Variants in KAZALD1 observed in about 807,000 individuals in gnomAD.
KAZALD1 encodes the protein kazal-type serine protease inhibitor domain-containing protein 1.
Under a neutral mutation model 27.7 loss-of-function variants are expected in KAZALD1, and 31 were observed. That is an observed-to-expected ratio of 1.12 (90% CI 0.84 to 1.51). The LOEUF is 1.51. Ranked by LOEUF, KAZALD1 falls within the 40% of genes most tolerant of loss-of-function variation. The pLI, the probability that KAZALD1 is intolerant of heterozygous loss-of-function variation, is 0.00. For missense variants in KAZALD1, 444 were observed against 408.9 expected, an observed-to-expected ratio of 1.09 and a Z score of -0.74; for synonymous variants, 179 against 182.0, an observed-to-expected ratio of 0.98 and a Z score of 0.13.
In KAZALD1 at chr10:101,067,048, T is replaced by C. The variant is rs1011309187; in HGVS notation, c.*2128T>C. Reference sequence around the variant, plus strand: ...GACGGGAAAGGTTTAATAAACGTGCTGAGATGCCGAGGATTATTCACCGCA... The same window carrying C: ...GACGGGAAAGGTTTAATAAACGTGCCGAGATGCCGAGGATTATTCACCGCA... On this transcript the variant is annotated 3_prime_UTR_variant, in exon 5 of 5. Transcript: ENST00000370200. The C allele has an allele frequency of 2.9e-6, 1 of 340,750 alleles. No individual in the cohort carries two copies. Among genetic ancestry groups the C allele is most frequent in the Non-Finnish European group, 5.8e-6 (1 of 171,198 alleles). The allele number at this position is 340,750 out of a possible 1,614,324, so 21.1% of individuals were successfully genotyped here. A position where few individuals can be genotyped will look rare whatever the true frequency, so the allele number is the denominator to read the frequency against.
chr10:101,065,957 G>A lies in KAZALD1; in HGVS notation c.*1037G>A, dbSNP rs186377951. Among the ~76,000 whole-genome samples the A allele has an allele frequency of 6.6e-6, 1 of 152,302 alleles. No homozygotes were observed. The highest frequency in any genetic ancestry group is 1.5e-5 in the Non-Finnish European group (1 of 68,034). ...GGGTGGAAGTTTGGTCACCTGTGTG[G>A]TCCATACCCTTCCCCAGCTCCCATA... On this transcript the variant is annotated 3_prime_UTR_variant, in exon 5 of 5. Transcript: ENST00000370200.
Position 101,062,658 on chromosome 10 carries a change from G to A in KAZALD1, c.66G>A (p.Val22=). ...ALPVLLLLLV[V]LTPPPTGARP... Reference sequence around the variant, plus strand: ...CTGTGCTCCTGCTACTGCTGGTGGTGCTGACGCCGCCCCCGACCGGCGCAA... The same window carrying A: ...CTGTGCTCCTGCTACTGCTGGTGGTACTGACGCCGCCCCCGACCGGCGCAA... The change falls in exon 2 of 5, where the codon GTG becomes GTA. Residue 22 remains valine (V), a synonymous_variant. Transcript: ENST00000370200. The A allele has an allele frequency of 1.9e-6, 3 of 1,557,596 alleles. No homozygotes were observed. The highest frequency in any genetic ancestry group is 2.6e-6 in the Non-Finnish European group (3 of 1,160,222).
Position 101,064,343 on chromosome 10 carries a change from C to A in KAZALD1, c.594C>A (p.Tyr198Ter). 6.2e-7 allele frequency: 1 copy of A among 1,614,196 alleles called. No homozygotes were observed. Among genetic ancestry groups the A allele is most frequent in the Non-Finnish European group, 8.5e-7 (1 of 1,180,022 alleles). Residue 198 changes from tyrosine to a stop codon, truncating the protein, a stop_gained, in exon 3 of 5, where the codon TAC (tyrosine) becomes TAA (stop). Coordinates refer to ENST00000370200, the MANE Select transcript of KAZALD1 (RefSeq NM_030929.5). LOFTEE classifies it high-confidence loss of function. ...DVIFGCEVFA[Y>*]PMASIEWRKD... ...TCTTTGGCTGTGAAGTGTTTGCCTACCCCATGGCCTCCATCGAGTGGAGGA... is the reference window on the plus strand; with the variant it reads ...TCTTTGGCTGTGAAGTGTTTGCCTAACCCATGGCCTCCATCGAGTGGAGGA...
Position 101,066,784 on chromosome 10 carries a change from G to A in KAZALD1, c.*1864G>A, listed in dbSNP as rs180985017. The A allele has an allele frequency of 3.6e-3, 1,220 of 337,620 alleles. 6 individuals carry two copies. Among genetic ancestry groups the A allele is most frequent in the Non-Finnish European group, 4.5e-3 (770 of 171,662 alleles). 20.9% of individuals were successfully genotyped at this position (337,620 alleles called of 1,614,324 possible). ...CACCGGAGAGGGTCACGCAGGTCCCGGGGAATCCGCACTCCTTAATCGCGT... is the reference window on the plus strand; with the variant it reads ...CACCGGAGAGGGTCACGCAGGTCCCAGGGAATCCGCACTCCTTAATCGCGT... On this transcript the variant is annotated 3_prime_UTR_variant, in exon 5 of 5. Transcript: ENST00000370200.
chr10:101,064,575 C>G lies in KAZALD1; in HGVS notation c.747C>G (p.Gly249=), dbSNP rs752043343. The change falls in exon 4 of 5, where the codon GGC becomes GGG. Residue 249 remains glycine, a synonymous_variant. Coordinates refer to ENST00000370200, the MANE Select transcript of KAZALD1 (RefSeq NM_030929.5). ...AGGCTGTGCGTCCCAGTGATGAGGG[C>G]ACTTACCGCTGCCTTGGCCGCAATG... ...QIQAVRPSDE[G]TYRCLGRNAL... 2 of 1,614,096 alleles carry G rather than the reference C, an allele frequency of 1.2e-6. No individual in the cohort carries two copies. Among genetic ancestry groups the G allele is most frequent in the Middle Eastern group, 1.7e-4 (1 of 6,048 alleles).
At chr10:101,063,521 C>A (rs942783449) in intron 2 of KAZALD1, among the ~76,000 whole-genome samples, 4 of 152,200 alleles carry the variant, frequency 2.6e-5, no homozygotes, top group African/African-American at 9.7e-5. Context: ...AGTTTGTTCA[C>A]CCAGTCTCCC....
intron 1 of KAZALD1, 49 bp from the exon 2 acceptor site, chr10:101,062,493 G>C: frequency 6.7e-7 from 1 of 1,489,016 alleles, no homozygotes; most frequent in African/African-American, 1.5e-5. Flanking sequence ...TTGGTCTTTC[G>C]GCACAGGCCC....
chr10:101,062,792 G>C lies in KAZALD1; in HGVS notation c.200G>C (p.Cys67Ser). The C allele has an allele frequency of 6.4e-7, 1 of 1,568,760 alleles. No individual in the cohort carries two copies. Among genetic ancestry groups the C allele is most frequent in the Non-Finnish European group, 8.6e-7 (1 of 1,165,616 alleles). ...GAAGAGTGCGCCGCGCCGCGGGGCT[G>C]CCTGGCGGGCAGGGTGCGCGACGCG... Reference protein sequence around the residue: ...RPEECAAPRGCLAGRVRDACG... With the variant: ...RPEECAAPRGSLAGRVRDACG... The change falls in exon 2 of 5, where the codon TGC (cysteine) becomes TCC (serine). Residue 67 changes from cysteine (C) to serine (S), a missense_variant. Transcript: ENST00000370200.
At position 101,062,689 on chromosome 10, in the gene KAZALD1, T is replaced by C; in HGVS notation, c.97T>C (p.Ser33Pro). 1 of 1,540,864 alleles carries C rather than the reference T, an allele frequency of 6.5e-7. No homozygotes were observed. Among genetic ancestry groups the C allele is most frequent in the Non-Finnish European group, 8.7e-7 (1 of 1,151,524 alleles). ...LTPPPTGARPSPGPDYLRRGW... is the reference protein window; with the variant it reads ...LTPPPTGARPPPGPDYLRRGW... ...GCCGCCCCCGACCGGCGCAAGGCCA[T>C]CCCCAGGCCCAGATTACCTGCGGCG... The change falls in exon 2 of 5, where the codon TCC (serine) becomes CCC (proline). Residue 33 changes from serine to proline, a missense_variant. Ser to Pro is a moderately conservative substitution (Grantham distance 74, BLOSUM62 -1). Coordinates refer to ENST00000370200, the MANE Select transcript of KAZALD1 (RefSeq NM_030929.5).
At position 101,065,241 on chromosome 10, in the gene KAZALD1, G is replaced by T. The variant is rs1240368373; in HGVS notation, c.*321G>T. ...GGCCTGAGCAGACACAGAGGTGCAGGCACCAGGATTCTCCACTTCTTCCAG... is the reference window on the plus strand; with the variant it reads ...GGCCTGAGCAGACACAGAGGTGCAGTCACCAGGATTCTCCACTTCTTCCAG... On this transcript the variant is annotated 3_prime_UTR_variant, in exon 5 of 5. Transcript: ENST00000370200. 3.4e-6 allele frequency: 1 copy of T among 291,670 alleles called. No individual in the cohort carries two copies. The highest frequency in any genetic ancestry group is 7.1e-5 in the East Asian group (1 of 14,176). 18.1% of individuals were successfully genotyped at this position (291,670 alleles called of 1,614,324 possible).
chr10:101,067,270 G>C (rs1262449923), downstream of KAZALD1: 1 of 456,708 alleles, frequency 2.2e-6, no homozygotes, highest in South Asian at 1.5e-5. Context: ...CGAGATGTGA[G>C]GTTCCAGGAG....
At chr10:101,067,261 G>A (rs1590103154), downstream of KAZALD1, 1 of 456,718 alleles carries the variant, frequency 2.2e-6, no homozygotes, top group South Asian at 1.5e-5. Flanking sequence ...GCTCACACCC[G>A]AGATGTGAGG....
At position 101,065,003 on chromosome 10, in the gene KAZALD1, G is replaced by C. The variant is rs12359843; in HGVS notation, c.*83G>C. On this transcript the variant is annotated 3_prime_UTR_variant, in exon 5 of 5. Coordinates refer to ENST00000370200, the MANE Select transcript of KAZALD1 (RefSeq NM_030929.5). Reference sequence around the variant, plus strand: ...TGAAAAGACCTGGAAAGGGGAGCAGGGTCCCTTCATCGACTGCTTTCATGC... The same window carrying C: ...TGAAAAGACCTGGAAAGGGGAGCAGCGTCCCTTCATCGACTGCTTTCATGC... The C allele has an allele frequency of 5.0e-6, 5 of 999,196 alleles. No individual in the cohort carries two copies. Among genetic ancestry groups the C allele is most frequent in the Middle Eastern group, 2.6e-4 (1 of 3,810 alleles). 61.9% of individuals were successfully genotyped at this position (999,196 alleles called of 1,614,324 possible).
rs1448776427 is a variant in KAZALD1, at chr10:101,062,579, G to C, written c.-14G>C. 2 of 1,582,878 alleles carry C rather than the reference G, an allele frequency of 1.3e-6. No individual in the cohort carries two copies. Among genetic ancestry groups the C allele is most frequent in the African/African-American group, 2.7e-5 (2 of 73,350 alleles). On this transcript the variant is annotated 5_prime_UTR_variant, in exon 2 of 5. Transcript: ENST00000370200. Reference sequence around the variant, plus strand: ...CGCTGATGCCCCGAGTGCTCGCAGGGCTTCCCGCTAACCATGCTGCCGCCG... The same window carrying C: ...CGCTGATGCCCCGAGTGCTCGCAGGCCTTCCCGCTAACCATGCTGCCGCCG...
At position 101,062,982 on chromosome 10, in the gene KAZALD1, G is replaced by T. The variant is rs370383384; in HGVS notation, c.390G>T (p.Ser130=). The change falls in exon 2 of 5, where the codon TCG becomes TCT. Residue 130 remains serine (S), a synonymous_variant. Transcript: ENST00000370200. ...CGGAACCTCTGTGTGCCTGTCGTTC[G>T]CAGAGTCCGCTCTGCGGGTCCGACG... ...EVPEPLCACR[S]QSPLCGSDGH... 3 of 1,601,112 alleles carry T rather than the reference G, an allele frequency of 1.9e-6. No homozygotes were observed. Among genetic ancestry groups the T allele is most frequent in the Admixed American group, 3.3e-5 (2 of 59,932 alleles).
At position 101,064,323 on chromosome 10, in the gene KAZALD1, G is replaced by A; in HGVS notation, c.574G>A (p.Gly192Ser). ...TGTGACAGGGCAGGATGTGATCTTT[G>A]GCTGTGAAGTGTTTGCCTACCCCAT... Reference protein sequence around the residue: ...WNVTGQDVIFGCEVFAYPMAS... With the variant: ...WNVTGQDVIFSCEVFAYPMAS... The change falls in exon 3 of 5, where the codon GGC (glycine) becomes AGC (serine). Residue 192 changes from glycine to serine, a missense_variant. By Grantham distance (56) the Gly-to-Ser change is moderately conservative. Coordinates refer to ENST00000370200, the MANE Select transcript of KAZALD1 (RefSeq NM_030929.5). The A allele has an allele frequency of 6.2e-7, 1 of 1,614,218 alleles. No individual in the cohort carries two copies. The highest frequency in any genetic ancestry group is 1.1e-5 in the South Asian group (1 of 91,084).
rs1216055207 is a variant in KAZALD1, at chr10:101,062,700, A to G, written c.108A>G (p.Pro36=). Residue 36 remains proline (P), a synonymous_variant, in exon 2 of 5, where the codon CCA becomes CCG. Transcript: ENST00000370200. ...PPTGARPSPG[P]DYLRRGWMRL... ...CCGGCGCAAGGCCATCCCCAGGCCCAGATTACCTGCGGCGCGGCTGGATGC... is the reference window on the plus strand; with the variant it reads ...CCGGCGCAAGGCCATCCCCAGGCCCGGATTACCTGCGGCGCGGCTGGATGC... The G allele has an allele frequency of 3.9e-6, 6 of 1,535,532 alleles. No individual in the cohort carries two copies. The highest frequency in any genetic ancestry group is 4.4e-6 in the Non-Finnish European group (5 of 1,149,250).
In KAZALD1 at chr10:101,066,348, C is replaced by T. The variant is rs1391213347; in HGVS notation, c.*1428C>T. The T allele has an allele frequency of 4.4e-6, 2 of 456,046 alleles. No homozygotes were observed. Among genetic ancestry groups the T allele is most frequent in the Admixed American group, 4.7e-5 (2 of 42,538 alleles). The allele number at this position is 456,046 out of a possible 1,614,324, so 28.2% of individuals were successfully genotyped here. Reference sequence around the variant, plus strand: ...GGGGTGTGGTCCGGAACTCCAACCCCAGGTCCTGCTTGGCCGCCCCTCCCG... The same window carrying T: ...GGGGTGTGGTCCGGAACTCCAACCCTAGGTCCTGCTTGGCCGCCCCTCCCG... On this transcript the variant is annotated 3_prime_UTR_variant, in exon 5 of 5. Transcript: ENST00000370200.
chr10:101,067,067 C>T (rs2134248157), downstream of KAZALD1: 1 of 346,448 alleles, frequency 2.9e-6, no homozygotes, highest in Admixed American at 3.9e-5. Context: ...GAGGATTATT[C>T]ACCGCAAATA....
Sources: allele counts gnomAD v4.1 joint callset (sites outside exome capture counted in the v4.1 genomes callset), GRCh38; gene constraint gnomAD v4.1.1; transcripts MANE v1.5; gene names NCBI Gene and HGNC (gene_info 2026-07-23, HGNC 2026-07-21).